The following PARG variants were observed in gnomAD, a reference collection of about 807,000 sequenced individuals.
PARG encodes mitochondrial poly(ADP-ribose) glycohydrolase.
In PARG, 35 loss-of-function variants were observed where a neutral mutation model predicts 113.0. The ratio of observed to expected loss-of-function variants is 0.31; its 90% CI spans 0.24 to 0.41. The LOEUF is 0.41. Ranked by LOEUF, PARG falls within the 10% of genes least tolerant of loss-of-function variation. The pLI, the probability that PARG is intolerant of heterozygous loss-of-function variation, is 1.00. For missense variants in PARG, 797 were observed against 1,169.4 expected (o/e 0.68, Z 4.64); for synonymous variants, 330 against 409.9 (o/e 0.81, Z 2.36).
intron 6 of PARG, 33 bp downstream of exon 6, chr10:49,922,303 C>T (rs1837921173): frequency 6.3e-7 from 1 of 1,578,372 alleles, no homozygotes; most frequent in South Asian, 1.2e-5. Flanking sequence ...ACACAGGGCC[C>T]ATAAACAGGC....
chr10:49,880,433 A>T (rs1847159844), intron 8 of PARG, among the ~76,000 whole-genome samples: 1 of 152,132 alleles, frequency 6.6e-6, no homozygotes, highest in Non-Finnish European at 1.5e-5. Flanking sequence ...TTACATAACC[A>T]AACATTCCAA....
intron 6 of PARG, among the ~76,000 whole-genome samples, chr10:49,919,928 T>C (rs1304594882): frequency 2.6e-5 from 4 of 152,142 alleles, no homozygotes; most frequent in Admixed American, 2.0e-4. Flanking sequence ...AAAGTAATAA[T>C]TGCAAAATAA....
At chr10:49,835,872 A>G (rs948620112) in intron 15 of PARG, among the ~76,000 whole-genome samples, 4 of 152,200 alleles carry the variant, frequency 2.6e-5, no homozygotes, top group East Asian at 1.9e-4. Flanking sequence ...CGATGGTCCC[A>G]TAAGATTATT....
At chr10:49,892,045 C>G (rs1226932189) in intron 7 of PARG, among the ~76,000 whole-genome samples, 12 of 151,946 alleles carry the variant, frequency 7.9e-5, no homozygotes, top group African/African-American at 2.7e-4. Flanking sequence ...AATCCCAGCA[C>G]TTTGGGAGGC....
At chr10:49,845,492 G>A (rs139174541) in intron 13 of PARG, among the ~76,000 whole-genome samples, 2,331 of 152,350 alleles carry the variant, frequency 0.015, 28 homozygotes, top group Middle Eastern at 0.027. Flanking sequence ...CATGGGTGAA[G>A]TGGCAGTGCA....
intron 4 of PARG, among the ~76,000 whole-genome samples, chr10:49,929,813 C>CA (rs1838398926): frequency 1.1e-5 from 1 of 93,946 alleles, no homozygotes; most frequent in African/African-American, 4.2e-5. Context: ...GCAGCAAGAG[C>CA]AAAAAACTCC....
chr10:49,900,179 C>T lies in PARG; in HGVS notation c.1738-14884G>A, dbSNP rs1428482082. On this transcript the variant is annotated intron_variant, in intron 7 of 17. Coordinates refer to ENST00000616448, the MANE Select transcript of PARG (RefSeq NM_003631.5). Reference sequence around the variant, plus strand: ...CCAGCTCTTATCAGCTAGTGCAGGACGAAGGAGGAGGAATGAAGGGAGAAA... The same window carrying T: ...CCAGCTCTTATCAGCTAGTGCAGGATGAAGGAGGAGGAATGAAGGGAGAAA... 1.3e-4 allele frequency among the ~76,000 whole-genome samples: 19 copies of T among 151,006 alleles called. No individual in the cohort carries two copies. In the South Asian group the frequency reaches 4.0e-3, roughly 32 times the overall value.
Position 49,879,670 on chromosome 10 carries a change from T to C in PARG, c.1988+3A>G, listed in dbSNP as rs782734400. The C allele has an allele frequency of 1.3e-6, 2 of 1,507,842 alleles. No homozygotes were observed. The highest frequency in any genetic ancestry group is 2.1e-5 in the Admixed American group (1 of 48,438). The allele number at this position is 1,507,842 out of a possible 1,614,324, so 93.4% of individuals were successfully genotyped here. ...GTTAAAGAGGTGTTTTCTGAAAACA[T>C]ACCGATTGAAGTTAATGTCTGGGTA... On this transcript the variant is annotated splice_donor_region_variant and intron_variant, in intron 9 of 17. Coordinates refer to ENST00000616448, the MANE Select transcript of PARG (RefSeq NM_003631.5).
chr10:49,941,262 G>C (rs1480302865), intron 1 of PARG, among the ~76,000 whole-genome samples: 6 of 152,146 alleles, frequency 3.9e-5, no homozygotes, highest in Non-Finnish European at 5.9e-5. Context: ...GAAGCAAACA[G>C]GTGGTGGAGT....
intron 6 of PARG, among the ~76,000 whole-genome samples, chr10:49,917,910 G>C (rs1352270703): frequency 1.1e-4 from 16 of 151,172 alleles, no homozygotes; most frequent in Non-Finnish European, 2.1e-4. Context: ...ACTTCATAAA[G>C]TATTAAATAG....
intron 4 of PARG, among the ~76,000 whole-genome samples, chr10:49,923,236 C>G (rs1782897053): frequency 1.3e-5 from 2 of 152,074 alleles, no homozygotes; most frequent in South Asian, 4.1e-4. Flanking sequence ...CTATTGTCAC[C>G]TTCATAGCTC....
chr10:49,918,086 A>G (rs1837603313), intron 6 of PARG, among the ~76,000 whole-genome samples: 1 of 152,180 alleles, frequency 6.6e-6, no homozygotes, highest in Admixed American at 6.5e-5. Context: ...ATAGTGAAAA[A>G]GAACAGATTA....
chr10:49,882,639 T>A (rs1294758245), intron 8 of PARG, among the ~76,000 whole-genome samples: 1 of 151,742 alleles, frequency 6.6e-6, no homozygotes, highest in African/African-American at 2.4e-5. Context: ...TTAAATAAAA[T>A]ATGGAAACTC....
intron 1 of PARG, among the ~76,000 whole-genome samples, chr10:49,936,724 T>G (rs1460013045): frequency 6.6e-6 from 1 of 152,182 alleles, no homozygotes; most frequent in African/African-American, 2.4e-5. Context: ...GGATCTTTCT[T>G]ATTTACCTAC....
chr10:49,919,538 C>T (rs1294283632), intron 6 of PARG, among the ~76,000 whole-genome samples: 3 of 152,134 alleles, frequency 2.0e-5, no homozygotes, highest in Admixed American at 6.5e-5. Flanking sequence ...GAACCTTCAT[C>T]CAGATGTGGT....
At chr10:49,917,575 C>T (rs1404459116) in intron 6 of PARG, among the ~76,000 whole-genome samples, 1 of 150,968 alleles carries the variant, frequency 6.6e-6, no homozygotes, top group Admixed American at 6.6e-5. Context: ...TCATAGCACA[C>T]TCCGGGAGGC....
intron 6 of PARG, among the ~76,000 whole-genome samples, chr10:49,920,607 C>CGT (rs1837807857): frequency 7.2e-6 from 1 of 139,136 alleles, no homozygotes; most frequent in African/African-American, 2.8e-5. Flanking sequence ...TATATACGTA[C>CGT]ATATATACGT....
chr10:49,853,732 T>C (rs1274097492), intron 13 of PARG, among the ~76,000 whole-genome samples: 6 of 152,336 alleles, frequency 3.9e-5, no homozygotes, highest in South Asian at 4.1e-4. Context: ...AAAAATTCCT[T>C]TGTGGAAGTT....
At chr10:49,826,752 A>T (rs562200236) in intron 16 of PARG, among the ~76,000 whole-genome samples, 3 of 152,334 alleles carry the variant, frequency 2.0e-5, no homozygotes, top group African/African-American at 7.2e-5. Flanking sequence ...ATGAGAAGTA[A>T]TCCCAATTGG....
Sources: gnomAD v4.1 joint callset for allele counts (sites outside exome capture counted in the v4.1 genomes callset) on GRCh38, gnomAD v4.1.1 for gene constraint, MANE v1.5 for transcripts, NCBI Gene and HGNC (gene_info 2026-07-23, HGNC 2026-07-21) for gene names.